Variants in TMEM181 observed in about 807,000 individuals in gnomAD.
TMEM181 encodes transmembrane protein 181, also known as G protein-coupled receptor 178.
In TMEM181, 39 loss-of-function variants were observed where a neutral mutation model predicts 71.9. The ratio of observed to expected loss-of-function variants is 0.54; its 90% CI spans 0.42 to 0.71. TMEM181 has a LOEUF of 0.71. Ranked by LOEUF, TMEM181 falls within the 30% of genes least tolerant of loss-of-function variation. TMEM181 has a pLI of 0.00. For synonymous variants in TMEM181, 245 were observed against 228.8 expected (o/e 1.07, Z -0.64); for missense variants, 595 against 583.0 (o/e 1.02, Z -0.21).
At chr6:158,573,712 G>C (rs963551802) in intron 2 of TMEM181, among the ~76,000 whole-genome samples, 189 bp downstream of exon 2, 6 of 152,216 alleles carry the variant, frequency 3.9e-5, no homozygotes, top group Non-Finnish European at 1.5e-5. Flanking sequence ...TGGGGGAGGT[G>C]TGCAGTAAGT....
chr6:158,631,755 G>A, intron 16 of TMEM181, 55 bp from the exon 17 acceptor site: 1 of 1,530,354 alleles, frequency 6.5e-7, no homozygotes, highest in Non-Finnish European at 8.9e-7. Context: ...GTGTGGAAGA[G>A]GAAAATAAAG....
At chr6:158,619,020 A>G (rs766239740) in intron 10 of TMEM181, among the ~76,000 whole-genome samples, 82 of 152,090 alleles carry the variant, frequency 5.4e-4, no homozygotes, top group Admixed American at 1.7e-3. Context: ...GTATTTCCTG[A>G]ATTTGAATGC....
At chr6:158,575,403 A>G (rs556605843) in intron 2 of TMEM181, among the ~76,000 whole-genome samples, 3 of 151,922 alleles carry the variant, frequency 2.0e-5, no homozygotes, top group South Asian at 4.2e-4. Context: ...ATCTTGGCTC[A>G]CTGCAACCTC....
At chr6:158,596,148 C>T (rs1023053172) in intron 6 of TMEM181, among the ~76,000 whole-genome samples, 1 of 152,124 alleles carries the variant, frequency 6.6e-6, no homozygotes, top group Non-Finnish European at 1.5e-5. Flanking sequence ...TCTTGATCTC[C>T]TGACCTCATG....
At chr6:158,576,111 T>G (rs1375559048) in intron 2 of TMEM181, among the ~76,000 whole-genome samples, 2 of 152,174 alleles carry the variant, frequency 1.3e-5, no homozygotes, top group African/African-American at 4.8e-5. Flanking sequence ...ATCTGTATGG[T>G]GTAACTGTTC....
intron 2 of TMEM181, 82 bp downstream of exon 2, chr6:158,573,605 C>A: frequency 8.3e-7 from 1 of 1,204,008 alleles, no homozygotes; most frequent in Non-Finnish European, 1.2e-6. Context: ...CCAGCTGTGC[C>A]CCTATCTTCC....
rs1186228367 is a variant in TMEM181 at position 158,633,220 on chromosome 6, C to T, written c.*1332C>T. 6.6e-6 allele frequency: 1 copy of T among 152,170 alleles called. No homozygotes were observed. The highest frequency in any genetic ancestry group is 1.5e-5 in the Non-Finnish European group (1 of 68,036). The allele number at this position is 152,170 out of a possible 1,614,324, so 9.4% of individuals were successfully genotyped here. ...AAACGTATTTGGGTAGAAGGCAACT[C>T]GTGCTTCCGGAAGGGGTTCCCTGTC... On this transcript the variant is annotated 3_prime_UTR_variant, in exon 17 of 17. Coordinates refer to ENST00000684151, the MANE Select transcript of TMEM181 (RefSeq NM_001376852.1).
At chr6:158,589,557 C>G in intron 5 of TMEM181, 115 bp from the exon 6 acceptor site, 1 of 747,762 alleles carries the variant, frequency 1.3e-6, no homozygotes, top group East Asian at 2.7e-5. Context: ...TTGGCGAGTT[C>G]CCTGGAGACA....
intron 5 of TMEM181, among the ~76,000 whole-genome samples, chr6:158,586,413 T>C (rs138412417): frequency 3.2e-3 from 493 of 152,300 alleles, no homozygotes; most frequent in African/African-American, 0.011. Flanking sequence ...CGTCCACTCA[T>C]TGTCTCATTC....
At chr6:158,561,898 A>G (rs1458147431) in intron 1 of TMEM181, among the ~76,000 whole-genome samples, 1 of 152,130 alleles carries the variant, frequency 6.6e-6, no homozygotes, top group Non-Finnish European at 1.5e-5. Flanking sequence ...AGAGTTTGGT[A>G]GCAGATAAAA....
chr6:158,620,790 G>C lies in TMEM181; in HGVS notation c.897-2760G>C, dbSNP rs575112711. 1.6e-4 allele frequency among the ~76,000 whole-genome samples: 25 copies of C among 152,190 alleles called. No homozygotes were observed. Among genetic ancestry groups the C allele is most frequent in the Non-Finnish European group, 3.1e-4 (21 of 68,036 alleles). Reference sequence around the variant, plus strand: ...CCACTGCTTCCTGGGTTGCAAGAGAGCCTCTGTCCCCAACATCTGTCCCGG... The same window carrying C: ...CCACTGCTTCCTGGGTTGCAAGAGACCCTCTGTCCCCAACATCTGTCCCGG... On this transcript the variant is annotated intron_variant, in intron 10 of 16. Coordinates refer to ENST00000684151, the MANE Select transcript of TMEM181 (RefSeq NM_001376852.1). This position sits in a 1 kb window ranked among gnomAD's most constrained non-coding sequence, Gnocchi z 4.5.
chr6:158,609,480 A>C (rs374861514), intron 10 of TMEM181, among the ~76,000 whole-genome samples: 1 of 152,108 alleles, frequency 6.6e-6, no homozygotes, highest in Non-Finnish European at 1.5e-5. Flanking sequence ...CAAAACCCCA[A>C]TGCTATTACA....
chr6:158,627,107 T>TCACTCTCGTTTTCACCCTCA (rs55880518), intron 13 of TMEM181, among the ~76,000 whole-genome samples: 1 of 145,744 alleles, frequency 6.9e-6, no homozygotes, highest in African/African-American at 2.6e-5. Context: ...GTTTTCACCC[T>TCACTCTCGTTTTCACCCTCA]CTCTCACACC....
At chr6:158,606,281 C>T (rs9347245) in intron 7 of TMEM181, among the ~76,000 whole-genome samples, 1,231 of 99,090 alleles carry the variant, frequency 0.012, 59 homozygotes, top group Middle Eastern at 0.025. Context: ...AGGGCGTGGG[C>T]GCTAGAGCCA....
At chr6:158,595,678 G>A (rs1274816806) in intron 6 of TMEM181, among the ~76,000 whole-genome samples, 2 of 152,142 alleles carry the variant, frequency 1.3e-5, no homozygotes, top group Non-Finnish European at 1.5e-5. Context: ...AGCCAAATAC[G>A]AAACAGTACG....
intron 1 of TMEM181, among the ~76,000 whole-genome samples, chr6:158,566,153 G>C (rs915757526): frequency 6.6e-6 from 1 of 152,128 alleles, no homozygotes; most frequent in Non-Finnish European, 1.5e-5. Flanking sequence ...AGATGGGCCA[G>C]GCCACAGGCA....
chr6:158,590,234 G>A (rs539255176), intron 6 of TMEM181, among the ~76,000 whole-genome samples: 156 of 152,210 alleles, frequency 1.0e-3, no homozygotes, highest in African/African-American at 3.6e-3. Flanking sequence ...AGGAGTGGGG[G>A]TTTAGACTGG....
intron 4 of TMEM181, among the ~76,000 whole-genome samples, chr6:158,585,044 CT>C (rs1348046060): frequency 6.6e-6 from 1 of 152,042 alleles, no homozygotes; most frequent in African/African-American, 2.4e-5. Flanking sequence ...AATATTTACC[CT>C]TTTTTTGTGT....
chr6:158,546,466 C>A (rs1226564507), intron 1 of TMEM181, among the ~76,000 whole-genome samples: 1 of 152,100 alleles, frequency 6.6e-6, no homozygotes, highest in Non-Finnish European at 1.5e-5. Flanking sequence ...GACCAAAGGG[C>A]AAAAATAGAA....
Sources: allele counts gnomAD v4.1 joint callset (sites outside exome capture counted in the v4.1 genomes callset), GRCh38; gene constraint gnomAD v4.1.1; non-coding constraint Gnocchi (gnomAD v3.1); transcripts MANE v1.5; gene names NCBI Gene and HGNC (gene_info 2026-07-23, HGNC 2026-07-21).